RGL1: variants seen among roughly 807,000 people sequenced by gnomAD.
RGL1 encodes the protein ral guanine nucleotide dissociation stimulator like 1.
Under a neutral mutation model 95.2 loss-of-function variants are expected in RGL1, and 24 were observed. The observed-to-expected ratio is 0.25, with a 90% CI of 0.18 to 0.35. The LOEUF (loss-of-function observed/expected upper bound fraction) is 0.35, where lower values mean the gene tolerates loss of function less well. Ranked by LOEUF, RGL1 falls within the 10% of genes least tolerant of loss-of-function variation. The pLI is 1.00. For synonymous variants in RGL1, 329 were observed against 344.9 expected (o/e 0.95, Z 0.51); for missense variants, 715 against 936.3 (o/e 0.76, Z 3.08).
At chr1:183,843,936 T>C (rs920565338) in intron 2 of RGL1, among the ~76,000 whole-genome samples, 4 of 152,216 alleles carry the variant, frequency 2.6e-5, no homozygotes, top group African/African-American at 7.2e-5. Flanking sequence ...CAAGTGATTC[T>C]CCTGCCTCAG....
intron 1 of RGL1, among the ~76,000 whole-genome samples, chr1:183,689,092 C>G (rs1429536634): frequency 2.0e-5 from 3 of 151,858 alleles, no homozygotes; most frequent in Admixed American, 6.6e-5. Flanking sequence ...AATATATAAC[C>G]CAATAAAATG....
intron 1 of RGL1, among the ~76,000 whole-genome samples, chr1:183,717,977 T>C (rs1203142533): frequency 6.6e-6 from 1 of 152,200 alleles, no homozygotes; most frequent in Non-Finnish European, 1.5e-5. Flanking sequence ...CTGGGTGCGG[T>C]GGCTCACGCC....
At chr1:183,744,496 A>C (rs1005029124) in intron 2 of RGL1, among the ~76,000 whole-genome samples, 1 of 152,134 alleles carries the variant, frequency 6.6e-6, no homozygotes, top group Non-Finnish European at 1.5e-5. Context: ...TGTATCCTTA[A>C]ATTTTGCACC....
Position 183,693,628 on chromosome 1 carries a change from G to A in RGL1, c.-32-48498G>A, listed in dbSNP as rs111708182. ...TGCCTACTGGTGGAAGGGACATGAA[G>A]GGAGGATGAGAAGCTGGTCTAGCTC... is the stretch of plus-strand genomic sequence containing the variant. On this transcript the variant is annotated intron_variant, in intron 1 of 18. Coordinates refer to the RGL1 transcript ENST00000304685. 3.9e-3 allele frequency among the ~76,000 whole-genome samples: 587 copies of A among 151,088 alleles called. 5 individuals are homozygous for A. Among genetic ancestry groups the A allele is most frequent in the African/African-American group, 0.014 (557 of 41,052 alleles).
At chr1:183,863,918 G>C (rs1665670612) in intron 3 of RGL1, among the ~76,000 whole-genome samples, 1 of 152,180 alleles carries the variant, frequency 6.6e-6, no homozygotes, top group African/African-American at 2.4e-5. Flanking sequence ...CTCAGAAGAT[G>C]CTACCAGGTT....
At chr1:183,820,856 C>T (rs561079796) in intron 2 of RGL1, among the ~76,000 whole-genome samples, 3 of 152,148 alleles carry the variant, frequency 2.0e-5, no homozygotes, top group South Asian at 2.1e-4. Flanking sequence ...CGCGGTGGCT[C>T]ATGCCTGTAA....
chr1:183,801,179 T>TGTGTG (rs367907447), upstream of RGL1, among the ~76,000 whole-genome samples: 4,219 of 126,176 alleles, frequency 0.033, 84 homozygotes, highest in Middle Eastern at 0.062. Flanking sequence ...GTGTGTGTGT[T>TGTGTG]TAATAATGGC....
chr1:183,714,373 A>T (rs1225251268), intron 1 of RGL1, among the ~76,000 whole-genome samples: 1 of 152,210 alleles, frequency 6.6e-6, no homozygotes, highest in Non-Finnish European at 1.5e-5. Context: ...CTAATTTAGT[A>T]TAAAAGATCA....
intron 2 of RGL1, among the ~76,000 whole-genome samples, chr1:183,837,330 T>C (rs531292193): frequency 1.3e-5 from 2 of 152,224 alleles, no homozygotes; most frequent in African/African-American, 4.8e-5. Flanking sequence ...CAGACAGAGA[T>C]TGGTTGGGCT....
At chr1:183,881,001 G>T (rs1274954790) in intron 5 of RGL1, among the ~76,000 whole-genome samples, 3 of 151,980 alleles carry the variant, frequency 2.0e-5, no homozygotes, top group Admixed American at 2.0e-4. Context: ...GACAGAGAAG[G>T]GTATTTTCAA....
chr1:183,886,327 T>C (rs1667107413), intron 7 of RGL1, among the ~76,000 whole-genome samples: 1 of 152,190 alleles, frequency 6.6e-6, no homozygotes, highest in Admixed American at 6.5e-5. Context: ...GCTCAGCAAG[T>C]AAGAGATACA....
intron 2 of RGL1, among the ~76,000 whole-genome samples, chr1:183,822,127 G>A (rs1422601680): frequency 6.6e-6 from 1 of 152,018 alleles, no homozygotes; most frequent in African/African-American, 2.4e-5. Flanking sequence ...TGAAGTTTAT[G>A]GGGTTACATG....
chr1:183,804,931 T>G (rs1387444367), upstream of RGL1, among the ~76,000 whole-genome samples: 1 of 152,232 alleles, frequency 6.6e-6, no homozygotes, highest in Non-Finnish European at 1.5e-5. Flanking sequence ...CAGGAAAACC[T>G]GATAAACTTG....
chr1:183,662,304 A>G (rs1651696307), intron 1 of RGL1, among the ~76,000 whole-genome samples: 1 of 151,282 alleles, frequency 6.6e-6, no homozygotes, highest in Non-Finnish European at 1.5e-5. Flanking sequence ...TTGTATATCT[A>G]GAAAACCCCA....
intron 1 of RGL1, among the ~76,000 whole-genome samples, chr1:183,699,235 A>T (rs1654440359): frequency 6.6e-6 from 1 of 152,224 alleles, no homozygotes; most frequent in South Asian, 2.1e-4. Context: ...ACTTACCCTG[A>T]ACAATGTTTT....
intron 2 of RGL1, among the ~76,000 whole-genome samples, chr1:183,822,502 C>A (rs1400956507): frequency 6.6e-6 from 1 of 152,100 alleles, no homozygotes; most frequent in Non-Finnish European, 1.5e-5. Flanking sequence ...GAGGAACAGG[C>A]GGCCTTTTGC....
chr1:183,900,838 A>G (rs1160367468), intron 11 of RGL1, among the ~76,000 whole-genome samples: 5 of 151,814 alleles, frequency 3.3e-5, no homozygotes, highest in Non-Finnish European at 7.4e-5. Context: ...GTTGTGATGA[A>G]CAGGGCTCAT....
intron 2 of RGL1, among the ~76,000 whole-genome samples, chr1:183,837,187 T>C (rs1029309593): frequency 1.1e-4 from 16 of 151,884 alleles, no homozygotes; most frequent in African/African-American, 3.9e-4. Flanking sequence ...TAAAGCCCCA[T>C]GGAGCTGTCT....
rs879007093 is a variant in RGL1, at chr1:183,927,721, TC to T, written c.*1431del. 12 of 152,768 alleles carry T rather than the reference TC, an allele frequency of 7.9e-5. No homozygotes were observed. In the South Asian group the frequency reaches 2.3e-3, roughly 29 times the overall value. The allele number at this position is 152,768 out of a possible 1,614,324, so 9.5% of individuals were successfully genotyped here. On this transcript the variant is annotated 3_prime_UTR_variant, in exon 18 of 18. Transcript: ENST00000360851. ...TGTAAGAAGCACTTTCAGAATGTTG[TC>T]CTTTTTAAGAAATGATTCTCAAAAT...
Sources: allele counts gnomAD v4.1 joint callset (sites outside exome capture counted in the v4.1 genomes callset), GRCh38; gene constraint gnomAD v4.1.1; transcripts MANE v1.5; gene names NCBI Gene and HGNC (gene_info 2026-07-23, HGNC 2026-07-21).